Variants in GRIP1 observed in about 807,000 individuals in gnomAD.
GRIP1 encodes glutamate receptor interacting protein 1, also known as glutamate receptor-interacting protein 1.
A neutral mutation model predicts 129.9 loss-of-function variants in GRIP1; 45 were observed. The observed-to-expected ratio is 0.35, with a 90% confidence interval of 0.27 to 0.44. The LOEUF (loss-of-function observed/expected upper bound fraction) is 0.44, where lower values mean the gene tolerates loss of function less well. Ranked by LOEUF, GRIP1 falls within the 20% of genes least tolerant of loss-of-function variation. The probability of loss-of-function intolerance (pLI) is 1.00; values close to 1 mark genes in which losing one functional copy is unlikely to be tolerated. For missense variants in GRIP1, 1,196 were observed against 1,396.8 expected (o/e 0.86, Z 2.29); for synonymous variants, 530 against 520.8 (o/e 1.02, Z -0.24).
intron 2 of GRIP1, among the ~76,000 whole-genome samples, chr12:66,542,155 C>T (rs2061802756): frequency 1.4e-5 from 2 of 146,490 alleles, no homozygotes; most frequent in Admixed American, 7.0e-5. Flanking sequence ...TGAAAATGGG[C>T]ACTGGTGGGG....
intron 1 of GRIP1, among the ~76,000 whole-genome samples, chr12:66,907,659 C>A (rs1297082476): frequency 6.6e-6 from 1 of 152,018 alleles, no homozygotes; most frequent in Non-Finnish European, 1.5e-5. Context: ...TGTCATATTC[C>A]AGTAATTTCA....
chr12:66,353,627 T>G, intron 23 of GRIP1, 64 bp from the exon 24 acceptor site: 1 of 1,387,034 alleles, frequency 7.2e-7, no homozygotes. Flanking sequence ...CTGCAACTTC[T>G]TGATGAACAA....
chr12:66,522,078 G>T (rs1249823337), intron 5 of GRIP1, among the ~76,000 whole-genome samples: 1 of 152,224 alleles, frequency 6.6e-6, no homozygotes, highest in African/African-American at 2.4e-5. Context: ...CTCGGGGCAG[G>T]GCACAGACAA....
At chr12:66,378,905 C>T (rs932067541) in intron 20 of GRIP1, among the ~76,000 whole-genome samples, 1 of 152,076 alleles carries the variant, frequency 6.6e-6, no homozygotes, top group Admixed American at 6.6e-5. Context: ...CGAGATCTTG[C>T]CATTGCATTC....
At chr12:66,947,848 C>T (rs1406072935) in intron 1 of GRIP1, among the ~76,000 whole-genome samples, 1 of 152,220 alleles carries the variant, frequency 6.6e-6, no homozygotes, top group African/African-American at 2.4e-5. Flanking sequence ...GTGACAGGCT[C>T]TTTAAGCAAC....
chr12:66,746,619 A>G (rs1204637617), intron 1 of GRIP1, among the ~76,000 whole-genome samples: 2 of 152,176 alleles, frequency 1.3e-5, no homozygotes, highest in Non-Finnish European at 2.9e-5. Flanking sequence ...GTGCTGGTCT[A>G]CCAGATGCCC....
intron 1 of GRIP1, among the ~76,000 whole-genome samples, chr12:67,039,914 T>C (rs564232589): frequency 6.6e-6 from 1 of 152,326 alleles, no homozygotes; most frequent in South Asian, 2.1e-4. Context: ...ACCTCCGTTG[T>C]GGCATATTTT....
At chr12:66,813,521 C>T (rs976087693) in intron 1 of GRIP1, among the ~76,000 whole-genome samples, 1 of 152,090 alleles carries the variant, frequency 6.6e-6, no homozygotes, top group Non-Finnish European at 1.5e-5. Context: ...CAAGGTGATG[C>T]AATGGAAGTG....
intron 19 of GRIP1, 63 bp from the exon 20 acceptor site, chr12:66,379,499 A>G: frequency 6.6e-7 from 1 of 1,514,926 alleles, no homozygotes; most frequent in Non-Finnish European, 9.2e-7. Context: ...GAGAAATGAC[A>G]TTGTTAACCA....
intron 1 of GRIP1, among the ~76,000 whole-genome samples, chr12:66,708,922 C>T (rs182204320): frequency 6.6e-6 from 1 of 151,166 alleles, no homozygotes; most frequent in Non-Finnish European, 1.5e-5. Context: ...GAAGTTGACA[C>T]GAAAGAAACA....
chr12:66,960,845 G>A (rs574833536), intron 1 of GRIP1, among the ~76,000 whole-genome samples: 3 of 152,260 alleles, frequency 2.0e-5, no homozygotes, highest in South Asian at 2.1e-4. Flanking sequence ...AGTAGAGACT[G>A]CAAATGAAAC....
chr12:66,959,939 A>AAT (rs967868634), intron 1 of GRIP1, among the ~76,000 whole-genome samples: 1 of 152,100 alleles, frequency 6.6e-6, no homozygotes, highest in Admixed American at 6.6e-5. Context: ...GAGAGAAAAA[A>AAT]ATATATATAT....
At chr12:67,042,294 T>G (rs2043192615) in intron 1 of GRIP1, among the ~76,000 whole-genome samples, 1 of 152,174 alleles carries the variant, frequency 6.6e-6, no homozygotes, top group Non-Finnish European at 1.5e-5. Flanking sequence ...CTAAGACAAT[T>G]GCCTACTGAT....
chr12:66,649,196 C>T (rs1463028908), intron 1 of GRIP1, among the ~76,000 whole-genome samples: 1 of 152,182 alleles, frequency 6.6e-6, no homozygotes, highest in Non-Finnish European at 1.5e-5. Context: ...GTTGGTCTGG[C>T]TCGATTCTCT....
intron 14 of GRIP1, among the ~76,000 whole-genome samples, chr12:66,424,470 G>T (rs553145294): frequency 2.0e-5 from 3 of 151,986 alleles, no homozygotes; most frequent in Admixed American, 2.0e-4. Context: ...TTATTTTCTG[G>T]TGTTAGTCAT....
intron 1 of GRIP1, among the ~76,000 whole-genome samples, chr12:67,059,271 G>A (rs1248490811): frequency 6.6e-6 from 1 of 152,132 alleles, no homozygotes; most frequent in African/African-American, 2.4e-5. Flanking sequence ...CTCGGTAGAA[G>A]GTCACAAACC....
intron 1 of GRIP1, among the ~76,000 whole-genome samples, chr12:66,839,374 A>G (rs1379643033): frequency 6.6e-6 from 1 of 152,156 alleles, no homozygotes; most frequent in African/African-American, 2.4e-5. Context: ...TCAAACTGTA[A>G]TAGACATAAT....
At chr12:66,725,305 A>G (rs2036217993) in intron 1 of GRIP1, among the ~76,000 whole-genome samples, 1 of 152,178 alleles carries the variant, frequency 6.6e-6, no homozygotes, top group South Asian at 2.1e-4. Context: ...CCTGTCTCAA[A>G]AAAACACAAA....
chr12:66,544,801 C>T (rs2061897170), intron 2 of GRIP1, among the ~76,000 whole-genome samples: 1 of 152,096 alleles, frequency 6.6e-6, no homozygotes, highest in Non-Finnish European at 1.5e-5. Context: ...TTTGGCTCAC[C>T]TGAAGTCTCC....
Sources: gnomAD v4.1 joint callset for allele counts (sites outside exome capture counted in the v4.1 genomes callset) on GRCh38, gnomAD v4.1.1 for gene constraint, MANE v1.5 for transcripts, NCBI Gene and HGNC (gene_info 2026-07-23, HGNC 2026-07-21) for gene names.